The following TYK2 variants were observed in gnomAD, a reference collection of about 807,000 sequenced individuals.
TYK2 encodes the protein non-receptor tyrosine-protein kinase TYK2.
Under a neutral mutation model 130.9 loss-of-function variants are expected in TYK2, and 65 were observed. The ratio of observed to expected loss-of-function variants is 0.50; its 90% CI spans 0.41 to 0.61. TYK2 has a LOEUF of 0.61. TYK2 is among the 20% of genes least tolerant of loss of function. The pLI is 0.00. For synonymous variants in TYK2, 647 were observed against 658.9 expected (o/e 0.98, Z 0.28); for missense variants, 1,378 against 1,610.7 (o/e 0.86, Z 2.47).
chr19:10,368,963 C>G (rs1192910073), intron 3 of TYK2, among the ~76,000 whole-genome samples: 1 of 152,082 alleles, frequency 6.6e-6, no homozygotes, highest in Non-Finnish European at 1.5e-5. Flanking sequence ...TGTGCGCCAC[C>G]AACCCCGGCT....
Position 10,352,315 on chromosome 19 carries a change from G to T in TYK2, c.3318+119C>A. The T allele has an allele frequency of 4.0e-6, 3 of 746,442 alleles. No individual in the cohort carries two copies. In the Admixed American group the frequency reaches 5.6e-5, roughly 14 times the overall value. The allele number at this position is 746,442 out of a possible 1,614,324, so 46.2% of individuals were successfully genotyped here. On this transcript the variant is annotated intron_variant, in intron 23 of 24. Coordinates refer to ENST00000525621, the MANE Select transcript of TYK2 (RefSeq NM_003331.5). ...TCTCGATCTCCTGACCTCGTGATCCGCCCGCCTCGGCCTCCCAAAGTGCTG... is the reference window on the plus strand; with the variant it reads ...TCTCGATCTCCTGACCTCGTGATCCTCCCGCCTCGGCCTCCCAAAGTGCTG...
At chr19:10,358,260 T>C (rs958703662) in intron 15 of TYK2, 122 bp from the exon 16 acceptor site, 14 of 1,042,600 alleles carry the variant, frequency 1.3e-5, no homozygotes, top group Non-Finnish European at 1.8e-5. Flanking sequence ...TGGGTTTCTT[T>C]CTGTTTTGTT....
At chr19:10,372,484 A>ATATATATATATATATATATAT (rs1390400916) in intron 3 of TYK2, among the ~76,000 whole-genome samples, 1 of 37,438 alleles carries the variant, frequency 2.7e-5, no homozygotes, top group Non-Finnish European at 4.5e-5. Flanking sequence ...ATATATATAT[A>ATATATATATATATATATATAT]TTTTTTTTTT....
At chr19:10,369,594 G>A (rs536802885) in intron 3 of TYK2, among the ~76,000 whole-genome samples, 14 of 151,958 alleles carry the variant, frequency 9.2e-5, no homozygotes, top group African/African-American at 1.7e-4. Context: ...AAAACAGATC[G>A]GTCACCAAGA....
chr19:10,353,783 G>T lies in TYK2; in HGVS notation c.2909-137C>A. On this transcript the variant is annotated intron_variant, in intron 20 of 24. Coordinates refer to ENST00000525621, the MANE Select transcript of TYK2 (RefSeq NM_003331.5). The surrounding 1 kb of genome is among the most constrained non-coding windows in gnomAD (Gnocchi z 6.9). The stretch of plus-strand genomic sequence containing the variant: ...CGCACACTAGACCCAGTTCTCAGGT[G>T]GGATGGACCCATCCAGAACCCCATT... 1 of 699,296 alleles carries T rather than the reference G, an allele frequency of 1.4e-6. No homozygotes were observed. Among genetic ancestry groups the T allele is most frequent in the Non-Finnish European group, 2.3e-6 (1 of 425,874 alleles). 43.3% of individuals were successfully genotyped at this position (699,296 alleles called of 1,614,324 possible).
At chr19:10,372,771 G>A (rs909230323) in intron 3 of TYK2, among the ~76,000 whole-genome samples, 2 of 151,862 alleles carry the variant, frequency 1.3e-5, no homozygotes, top group East Asian at 1.9e-4. Flanking sequence ...GATTGCAGGC[G>A]TGAGCCACTG....
rs76731525 is a variant in TYK2 at position 10,365,597 on chromosome 19, G to T, written c.931C>A (p.Pro311Thr). Residue 311 changes from proline to threonine, a missense_variant, in exon 7 of 25, where the codon CCC (proline) becomes ACC (threonine). Transcript: ENST00000525621. ...TDPGPESAAG[P>T]PTHEVLVTGT... ...GTCACCAGCACCTCGTGGGTTGGGG[G>T]CCCAGCAGCAGACTCAGGGCCAGGG... 6.2e-7 allele frequency: 1 copy of T among 1,614,092 alleles called. No individual in the cohort carries two copies. Among genetic ancestry groups the T allele is most frequent in the Non-Finnish European group, 8.5e-7 (1 of 1,180,010 alleles).
chr19:10,365,836 C>A lies in TYK2; in HGVS notation c.692G>T (p.Arg231Leu). 3 of 1,612,384 alleles carry A rather than the reference C, an allele frequency of 1.9e-6. No homozygotes were observed. The highest frequency in any genetic ancestry group is 2.5e-6 in the Non-Finnish European group (3 of 1,179,796). Residue 231 changes from arginine to leucine, a missense_variant, in exon 7 of 25, where the codon CGG becomes CTG. Physicochemically the swap from Arg to Leu is moderately radical, Grantham distance 102 (BLOSUM62 -2). Transcript: ENST00000525621. ...GCGGAAGACGTTCCGAAGGCGCAGC[C>A]GGGTCAGGGCGCTGTGCTGCCGGAT... ...RHIRQHSALT[R>L]LRLRNVFRRF...
intron 14 of TYK2, among the ~76,000 whole-genome samples, chr19:10,360,130 C>T (rs1431925359): frequency 1.3e-5 from 2 of 151,694 alleles, no homozygotes; most frequent in African/African-American, 2.4e-5. Context: ...TGCAGTGAGC[C>T]GAGATCACGC....
chr19:10,368,311 G>A lies in TYK2; in HGVS notation c.301C>T (p.Leu101=). The change falls in exon 4 of 25, where the codon CTA becomes TTA. Residue 101 remains leucine, a synonymous_variant. Transcript: ENST00000525621. The part of the protein sequence containing the change: ...LEIPRDASLM[L]YFRIRFYFRN... ...TCCACCCACCTTATGCGGAAATATA[G>A]CATCAGGCTTGCATCTCTGGGGATC... 1 of 1,614,202 alleles carries A rather than the reference G, an allele frequency of 6.2e-7. No homozygotes were observed. Among genetic ancestry groups the A allele is most frequent in the Non-Finnish European group, 8.5e-7 (1 of 1,180,038 alleles).
rs1473624881 is a variant in TYK2 at position 10,353,966 on chromosome 19, G to T, written c.2908+76C>A. 50 of 1,484,096 alleles carry T rather than the reference G, an allele frequency of 3.4e-5. No individual in the cohort carries two copies. The highest frequency in any genetic ancestry group is 4.0e-5 in the Non-Finnish European group (43 of 1,069,766). The allele number at this position is 1,484,096 out of a possible 1,614,324, so 91.9% of individuals were successfully genotyped here. ...AGTCTCTAATTGGCTAGGCCAGACT[G>T]GCCCCGCCCACAAGGCCACACCCAC... On this transcript the variant is annotated intron_variant, in intron 20 of 24. Transcript: ENST00000525621. This position sits in a 1 kb window ranked among gnomAD's most constrained non-coding sequence, Gnocchi z 6.9.
chr19:10,353,226 A>G lies in TYK2; in HGVS notation c.3028-128T>C. Reference sequence around the variant, plus strand: ...GCCGGTGGCTACCCGGCCGCTGGAGAGGGCCGGATGGCACGTGGCACCAAG... The same window carrying G: ...GCCGGTGGCTACCCGGCCGCTGGAGGGGGCCGGATGGCACGTGGCACCAAG... On this transcript the variant is annotated intron_variant, in intron 21 of 24. Transcript: ENST00000525621. The surrounding 1 kb of genome is among the most constrained non-coding windows in gnomAD (Gnocchi z 6.9). 1 of 783,258 alleles carries G rather than the reference A, an allele frequency of 1.3e-6. No individual in the cohort carries two copies. The highest frequency in any genetic ancestry group is 1.9e-6 in the Non-Finnish European group (1 of 532,592). The allele number at this position is 783,258 out of a possible 1,614,324, so 48.5% of individuals were successfully genotyped here. A position where few individuals can be genotyped will look rare whatever the true frequency, so the allele number is the denominator to read the frequency against.
Position 10,353,920 on chromosome 19 carries a change from G to T in TYK2, c.2908+122C>A. 9.2e-7 allele frequency: 1 copy of T among 1,091,032 alleles called. No homozygotes were observed. 67.6% of individuals were successfully genotyped at this position (1,091,032 alleles called of 1,614,324 possible). A position where few individuals can be genotyped will look rare whatever the true frequency, so the allele number is the denominator to read the frequency against. ...CGCTCACCCAGATGCCAAGAACCGC[G>T]TACTGCAGCCTGGGGTTGAGAGTCT... is the stretch of plus-strand genomic sequence containing the variant. On this transcript the variant is annotated intron_variant, in intron 20 of 24. Coordinates refer to ENST00000525621, the MANE Select transcript of TYK2 (RefSeq NM_003331.5). This position sits in a 1 kb window ranked among gnomAD's most constrained non-coding sequence, Gnocchi z 6.9.
At chr19:10,375,277 AGAG>A (rs1165272851) in intron 3 of TYK2, among the ~76,000 whole-genome samples, 1 of 152,200 alleles carries the variant, frequency 6.6e-6, no homozygotes, top group Non-Finnish European at 1.5e-5. Context: ...GGGGGAGGTA[AGAG>A]GAGTTTCTGG....
Position 10,365,634 on chromosome 19 carries a change from C to T in TYK2, c.894G>A (p.Val298=), listed in dbSNP as rs2041624080. The change falls in exon 7 of 25, where the codon GTG becomes GTA. Residue 298 remains valine (V), a synonymous_variant. Coordinates refer to ENST00000525621, the MANE Select transcript of TYK2 (RefSeq NM_003331.5). The part of the protein sequence containing the change: ...GEPCYIRDSG[V]APTDPGPESA... ...ACTCAGGGCCAGGGTCTGTAGGGGC[C>T]ACCCCACTGTCCCGGATGTAGCAGG... is the stretch of plus-strand genomic sequence containing the variant. 1 of 1,613,852 alleles carries T rather than the reference C, an allele frequency of 6.2e-7. No homozygotes were observed. The highest frequency in any genetic ancestry group is 8.5e-7 in the Non-Finnish European group (1 of 1,179,904).
intron 15 of TYK2, 89 bp downstream of exon 15, chr19:10,359,086 G>A: frequency 6.6e-7 from 1 of 1,524,042 alleles, no homozygotes; most frequent in Non-Finnish European, 8.9e-7. Flanking sequence ...AAAAAAGATG[G>A]GGTCTCGCCC....
intron 18 of TYK2, among the ~76,000 whole-genome samples, chr19:10,355,640 CA>C (rs34951532): frequency 0.1 from 6,970 of 69,826 alleles, 264 homozygotes; most frequent in Admixed American, 0.24. Flanking sequence ...AACTCCATCT[CA>C]AAAAAAAAAA....
intron 5 of TYK2, among the ~76,000 whole-genome samples, chr19:10,367,468 T>C (rs12720260): frequency 0.058 from 8,880 of 151,962 alleles, 312 homozygotes; most frequent in Non-Finnish European, 0.069. Flanking sequence ...TTACTAAAAA[T>C]AGAAAAATTA....
chr19:10,364,078 G>C lies in TYK2; in HGVS notation c.1367+536C>G, dbSNP rs1258994750. On this transcript the variant is annotated intron_variant, in intron 9 of 24. Transcript: ENST00000525621. The surrounding 1 kb of genome is among the most constrained non-coding windows in gnomAD (Gnocchi z 4.9). ...TCACACACAGGACCCCGCTGAGATGGTGACTCACAAGTTACCAGCACAGGC... is the reference window on the plus strand; with the variant it reads ...TCACACACAGGACCCCGCTGAGATGCTGACTCACAAGTTACCAGCACAGGC... 6.6e-6 allele frequency among the ~76,000 whole-genome samples: 1 copy of C among 152,228 alleles called. No homozygotes were observed. Among genetic ancestry groups the C allele is most frequent in the Non-Finnish European group, 1.5e-5 (1 of 68,044 alleles).
Sources: gnomAD v4.1 joint callset for allele counts (sites outside exome capture counted in the v4.1 genomes callset) on GRCh38, gnomAD v4.1.1 for gene constraint, Gnocchi (gnomAD v3.1) non-coding constraint, MANE v1.5 for transcripts, NCBI Gene and HGNC (gene_info 2026-07-23, HGNC 2026-07-21) for gene names.